Variants in RABGAP1L observed in about 807,000 individuals in gnomAD.
RABGAP1L encodes the protein RAB GTPase activating protein 1 like.
A neutral mutation model predicts 137.7 loss-of-function variants in RABGAP1L; 63 were observed. The ratio of observed to expected loss-of-function variants is 0.46; its 90% CI spans 0.37 to 0.56. The LOEUF is 0.56. Among genes scored for constraint, RABGAP1L ranks in the 20% least tolerant of loss-of-function variants. The pLI, the probability that RABGAP1L is intolerant of heterozygous loss-of-function variation, is 0.00. For missense variants in RABGAP1L, 1,095 were observed against 1,244.0 expected (o/e 0.88, Z 1.80); for synonymous variants, 431 against 433.7 (o/e 0.99, Z 0.08).
intron 10 of RABGAP1L, among the ~76,000 whole-genome samples, chr1:174,298,848 G>C (rs942105818): frequency 3.3e-5 from 5 of 152,314 alleles, no homozygotes; most frequent in African/African-American, 1.2e-4. Context: ...TAATTGCTCA[G>C]AACTAGAATA....
intron 13 of RABGAP1L, among the ~76,000 whole-genome samples, chr1:174,614,696 C>G (rs895355794): frequency 9.3e-4 from 141 of 152,298 alleles, no homozygotes; most frequent in African/African-American, 3.0e-3. Flanking sequence ...TCCATTCTCC[C>G]CGTCACTTTC....
Position 174,221,048 on chromosome 1 carries a change from G to C in RABGAP1L, c.215G>C (p.Ser72Thr), listed in dbSNP as rs777566292. The change falls in exon 3 of 26, where the codon AGT becomes ACT. Residue 72 changes from serine to threonine, a missense_variant. By Grantham distance (58) the Ser-to-Thr change is moderately conservative. Coordinates refer to ENST00000681986, the MANE Select transcript of RABGAP1L (RefSeq NM_001366446.1). The stretch of plus-strand genomic sequence containing the variant: ...AGAGATTCCGAGAAAAGGCCAAGCA[G>C]TCTTCTTGTTGATTGTCAAAGTTCC... ...ILRDSEKRPS[S>T]LLVDCQSSSE... 6.2e-7 allele frequency: 1 copy of C among 1,613,912 alleles called. No homozygotes were observed. The highest frequency in any genetic ancestry group is 8.5e-7 in the Non-Finnish European group (1 of 1,179,902).
intron 17 of RABGAP1L, among the ~76,000 whole-genome samples, chr1:174,747,012 A>G (rs1683926016): frequency 6.6e-6 from 1 of 152,230 alleles, no homozygotes. Flanking sequence ...CCTACTACGT[A>G]CATGTTTTCC....
intron 1 of RABGAP1L, among the ~76,000 whole-genome samples, chr1:174,213,967 A>G (rs1376307608): frequency 6.6e-6 from 1 of 152,214 alleles, no homozygotes; most frequent in Non-Finnish European, 1.5e-5. Context: ...TTTTGTTTTC[A>G]GCATATACTG....
chr1:174,585,096 A>T (rs868176941), intron 13 of RABGAP1L, among the ~76,000 whole-genome samples: 6 of 152,250 alleles, frequency 3.9e-5, no homozygotes, highest in South Asian at 2.1e-4. Flanking sequence ...TATAGATTAC[A>T]TGTTAAGATA....
At chr1:174,608,586 C>T (rs1348318466) in intron 13 of RABGAP1L, among the ~76,000 whole-genome samples, 1 of 152,080 alleles carries the variant, frequency 6.6e-6, no homozygotes, top group Non-Finnish European at 1.5e-5. Context: ...GATGGAGGAT[C>T]ATTCAGACAG....
At chr1:174,272,882 G>A (rs760093774) in intron 8 of RABGAP1L, among the ~76,000 whole-genome samples, 3 of 151,792 alleles carry the variant, frequency 2.0e-5, no homozygotes, top group African/African-American at 4.8e-5. Context: ...TCTTTAAAGC[G>A]TTTCCCTTTC....
intron 1 of RABGAP1L, among the ~76,000 whole-genome samples, chr1:174,195,609 CTTT>C (rs1667529511): frequency 2.6e-4 from 21 of 81,212 alleles, no homozygotes; most frequent in Admixed American, 9.1e-4. Context: ...TTCTTTCTTT[CTTT>C]CTTTCTTCCT....
intron 12 of RABGAP1L, among the ~76,000 whole-genome samples, chr1:174,384,850 A>G (rs1263710526): frequency 6.6e-6 from 1 of 152,198 alleles, no homozygotes; most frequent in Non-Finnish European, 1.5e-5. Flanking sequence ...TTTCTGTCCA[A>G]TTTTATGAAC....
intron 3 of RABGAP1L, among the ~76,000 whole-genome samples, chr1:174,228,181 T>C: frequency 6.6e-6 from 1 of 152,226 alleles, no homozygotes; most frequent in Admixed American, 6.5e-5. Context: ...CTTCTTTGCC[T>C]ATTTTATCAT....
At chr1:174,383,164 C>T (rs1314670433) in intron 12 of RABGAP1L, among the ~76,000 whole-genome samples, 4 of 150,862 alleles carry the variant, frequency 2.7e-5, no homozygotes, top group African/African-American at 4.9e-5. Flanking sequence ...TCTCCAGCTG[C>T]GTGCTGGGAG....
intron 20 of RABGAP1L, among the ~76,000 whole-genome samples, chr1:174,968,765 A>C (rs1317893083): frequency 1.3e-5 from 2 of 152,242 alleles, no homozygotes; most frequent in African/African-American, 4.8e-5. Flanking sequence ...TAGCAAAGTC[A>C]TGAACCCATG....
intron 13 of RABGAP1L, among the ~76,000 whole-genome samples, chr1:174,443,632 G>A (rs1324086259): frequency 6.6e-6 from 1 of 151,898 alleles, no homozygotes; most frequent in African/African-American, 2.4e-5. Flanking sequence ...TTTTTAGGTT[G>A]CCTGTTCACC....
intron 18 of RABGAP1L, among the ~76,000 whole-genome samples, chr1:174,798,707 G>GA: frequency 6.6e-6 from 1 of 152,218 alleles, no homozygotes; most frequent in Admixed American, 6.5e-5. Context: ...TGTCAGAGTA[G>GA]AAAACTAAGA....
At chr1:174,618,252 A>C (rs183009989) in intron 13 of RABGAP1L, among the ~76,000 whole-genome samples, 2 of 152,320 alleles carry the variant, frequency 1.3e-5, no homozygotes, top group Admixed American at 6.5e-5. Context: ...CAGATTCCTC[A>C]GCAGACTTAA....
chr1:174,880,342 C>G (rs79872527), intron 19 of RABGAP1L, among the ~76,000 whole-genome samples: 3,706 of 152,030 alleles, frequency 0.024, 64 homozygotes, highest in Middle Eastern at 0.086. Context: ...CCAGAGAATT[C>G]AGAATATGGC....
intron 7 of RABGAP1L, among the ~76,000 whole-genome samples, chr1:174,266,622 A>G (rs887621201): frequency 6.6e-6 from 1 of 152,200 alleles, no homozygotes; most frequent in African/African-American, 2.4e-5. Flanking sequence ...GTCACTATAT[A>G]CATACATGAT....
intron 13 of RABGAP1L, among the ~76,000 whole-genome samples, chr1:174,636,979 C>A (rs184903468): frequency 6.6e-6 from 1 of 152,078 alleles, no homozygotes; most frequent in Admixed American, 6.5e-5. Flanking sequence ...TCCAGATATA[C>A]CTTATTTTTA....
intron 19 of RABGAP1L, among the ~76,000 whole-genome samples, chr1:174,931,989 G>GTTTTTTTTTT (rs1558247691): frequency 3.2e-5 from 3 of 94,182 alleles, no homozygotes; most frequent in Admixed American, 1.1e-4. Context: ...CTGCTTTTTT[G>GTTTTTTTTTT]GTTTTTTTTT....
Sources: gnomAD v4.1 joint callset for allele counts (sites outside exome capture counted in the v4.1 genomes callset) on GRCh38, gnomAD v4.1.1 for gene constraint, MANE v1.5 for transcripts, NCBI Gene and HGNC (gene_info 2026-07-23, HGNC 2026-07-21) for gene names.